The following SEMA3A variants were observed in gnomAD, a reference collection of about 807,000 sequenced individuals.
SEMA3A encodes semaphorin 3A, also known as semaphorin-3A.
SEMA3A carries 29 observed loss-of-function variants against 97.9 expected under a neutral mutation model. The observed-to-expected ratio is 0.30, with a 90% CI of 0.22 to 0.40. The LOEUF (loss-of-function observed/expected upper bound fraction) is 0.40, where lower values mean the gene tolerates loss of function less well. Ranked by LOEUF, SEMA3A falls within the 10% of genes least tolerant of loss-of-function variation. SEMA3A has a pLI of 1.00. For missense variants in SEMA3A, 763 were observed against 951.3 expected (o/e 0.80, Z 2.60); for synonymous variants, 321 against 323.7 (o/e 0.99, Z 0.09).
chr7:84,020,138 C>T (rs1421799097), intron 6 of SEMA3A, among the ~76,000 whole-genome samples: 1 of 145,956 alleles, frequency 6.9e-6, no homozygotes, highest in African/African-American at 2.6e-5. Context: ...CTCCACCACC[C>T]GGGTTCAAGT....
chr7:84,148,605 A>G (rs1191346209), intron 1 of SEMA3A, among the ~76,000 whole-genome samples: 1 of 152,206 alleles, frequency 6.6e-6, no homozygotes, highest in East Asian at 1.9e-4. Flanking sequence ...ACATTTGTAC[A>G]TAACAATTCA....
chr7:84,411,115 A>G (rs1156317723), intron 1 of SEMA3A, among the ~76,000 whole-genome samples: 1 of 152,042 alleles, frequency 6.6e-6, no homozygotes, highest in Non-Finnish European at 1.5e-5. Context: ...GGGAGAGAAA[A>G]TCCAGCTAAC....
chr7:84,126,945 A>G (rs1795817944), intron 3 of SEMA3A, among the ~76,000 whole-genome samples: 1 of 152,006 alleles, frequency 6.6e-6, no homozygotes, highest in Admixed American at 6.6e-5. Context: ...TGTGCTTTCT[A>G]TTTACTCCTT....
At chr7:84,342,099 G>A (rs544757607) in intron 2 of SEMA3A, among the ~76,000 whole-genome samples, 5 of 151,858 alleles carry the variant, frequency 3.3e-5, no homozygotes, top group South Asian at 2.1e-4. Flanking sequence ...GCAATGGCAC[G>A]ATCTTGGCTC....
chr7:84,045,908 C>G (rs1250657616), intron 6 of SEMA3A, among the ~76,000 whole-genome samples: 1 of 150,640 alleles, frequency 6.6e-6, no homozygotes, highest in African/African-American at 2.4e-5. Context: ...CAATAACATT[C>G]AATTTTTGAC....
chr7:84,377,549 T>G lies in SEMA3A; in HGVS notation c.-245-5649A>C, dbSNP rs542427046. On this transcript the variant is annotated intron_variant, in intron 1 of 3. Transcript: ENST00000424555. ...GTCAGGTAGTGTGGTGCCTCCAGCTTTGTTCTTTTTGCTCAGAATTGCTTT... is the reference window on the plus strand; with the variant it reads ...GTCAGGTAGTGTGGTGCCTCCAGCTGTGTTCTTTTTGCTCAGAATTGCTTT... 7.2e-5 allele frequency among the ~76,000 whole-genome samples: 11 copies of G among 152,232 alleles called. No individual in the cohort carries two copies. The South Asian group carries it at 2.3e-3, about 32-fold the overall frequency.
intron 3 of SEMA3A, among the ~76,000 whole-genome samples, chr7:84,202,484 A>T (rs994707024): frequency 6.6e-6 from 1 of 152,174 alleles, no homozygotes; most frequent in Non-Finnish European, 1.5e-5. Context: ...GCAATCACTT[A>T]TGGAAATAGG....
intron 14 of SEMA3A, among the ~76,000 whole-genome samples, chr7:83,977,427 T>TAACA (rs1274402804): frequency 6.6e-6 from 1 of 152,080 alleles, no homozygotes; most frequent in East Asian, 1.9e-4. Context: ...CCAAATGTAC[T>TAACA]AACAACATGT....
chr7:84,042,399 T>C (rs1326292386), intron 6 of SEMA3A, among the ~76,000 whole-genome samples: 3 of 152,004 alleles, frequency 2.0e-5, no homozygotes, highest in Non-Finnish European at 2.9e-5. Context: ...TTAGGTCTGT[T>C]TGTGTTCCCC....
intron 3 of SEMA3A, among the ~76,000 whole-genome samples, chr7:84,235,562 G>A (rs1799218172): frequency 6.6e-6 from 1 of 151,908 alleles, no homozygotes; most frequent in South Asian, 2.1e-4. Flanking sequence ...TAAGAAAAAT[G>A]ATACAGTAAA....
Position 84,220,523 on chromosome 7 carries a change from T to C in SEMA3A, c.-82-25855A>G, listed in dbSNP as rs186091684. The stretch of plus-strand genomic sequence containing the variant: ...GAGGAGTCACTATCAGTGGGAGTTA[T>C]AGCCTTATGAAATGTATTTCTTAAC... On this transcript the variant is annotated intron_variant, in intron 3 of 3. Coordinates refer to the SEMA3A transcript ENST00000424555. Among the ~76,000 whole-genome samples the C allele has an allele frequency of 5.0e-4, 76 of 152,314 alleles. 1 individual carries two copies. Among genetic ancestry groups the C allele is most frequent in the African/African-American group, 1.8e-3 (73 of 41,588 alleles).
At chr7:84,279,796 G>A (rs1399943655) in intron 3 of SEMA3A, among the ~76,000 whole-genome samples, 1 of 152,164 alleles carries the variant, frequency 6.6e-6, no homozygotes, top group Non-Finnish European at 1.5e-5. Context: ...GGAAGCCAGT[G>A]TATTCACTAG....
At chr7:83,993,260 A>AGT (rs1373511575) in intron 12 of SEMA3A, among the ~76,000 whole-genome samples, 8 of 44,644 alleles carry the variant, frequency 1.8e-4, no homozygotes, top group African/African-American at 5.9e-4. Context: ...ATGGCTCTTG[A>AGT]CTCTATCCAA....
At chr7:84,221,976 T>A (rs56294026) in intron 3 of SEMA3A, among the ~76,000 whole-genome samples, 10,850 of 151,916 alleles carry the variant, frequency 0.071, 539 homozygotes, top group Non-Finnish European at 0.084. Context: ...TGCAGTTAAG[T>A]GAAGCATAAT....
intron 1 of SEMA3A, among the ~76,000 whole-genome samples, chr7:84,488,375 A>C (rs1806638415): frequency 6.6e-6 from 1 of 151,762 alleles, no homozygotes; most frequent in African/African-American, 2.4e-5. Context: ...CCCCACAGAT[A>C]AGAAGAAAAT....
At chr7:84,388,496 T>TA (rs911152823) in intron 1 of SEMA3A, among the ~76,000 whole-genome samples, 12 of 152,208 alleles carry the variant, frequency 7.9e-5, no homozygotes, top group African/African-American at 2.9e-4. Context: ...ATAAATTCTT[T>TA]AAAAAATTTT....
At chr7:84,061,726 T>C (rs191692188) in intron 4 of SEMA3A, among the ~76,000 whole-genome samples, 1 of 152,156 alleles carries the variant, frequency 6.6e-6, no homozygotes, top group Non-Finnish European at 1.5e-5. Flanking sequence ...TAAAACTCAT[T>C]TGAATTAGGG....
intron 2 of SEMA3A, among the ~76,000 whole-genome samples, chr7:84,131,519 G>T (rs1294601320): frequency 6.6e-6 from 1 of 152,116 alleles, no homozygotes; most frequent in Non-Finnish European, 1.5e-5. Flanking sequence ...TCAAAGCCAA[G>T]AATCTTTCCA....
intron 14 of SEMA3A, among the ~76,000 whole-genome samples, chr7:83,978,492 A>G (rs1252554843): frequency 6.6e-6 from 1 of 152,142 alleles, no homozygotes; most frequent in Non-Finnish European, 1.5e-5. Context: ...ACTGGAAAAG[A>G]TTGGGGGACA....
Sources: allele counts gnomAD v4.1 joint callset (sites outside exome capture counted in the v4.1 genomes callset), GRCh38; gene constraint gnomAD v4.1.1; transcripts MANE v1.5; gene names NCBI Gene and HGNC (gene_info 2026-07-23, HGNC 2026-07-21).